The following SH3BP4 variants were observed in gnomAD, a reference collection of about 807,000 sequenced individuals.
The protein encoded by SH3BP4 is SH3 domain-binding protein 4.
A neutral mutation model predicts 65.5 loss-of-function variants in SH3BP4; 33 were observed. The ratio of observed to expected loss-of-function variants is 0.50; its 90% confidence interval spans 0.38 to 0.67. The LOEUF (loss-of-function observed/expected upper bound fraction) is 0.67. Among genes scored for constraint, SH3BP4 ranks in the 30% least tolerant of loss-of-function variants. The pLI, the probability that SH3BP4 is intolerant of heterozygous loss-of-function variation, is 0.00. For missense variants in SH3BP4, 1,134 were observed against 1,261.4 expected, an observed-to-expected ratio of 0.90 and a Z score of 1.53; for synonymous variants, 552 against 545.5, an observed-to-expected ratio of 1.01 and a Z score of -0.17.
chr2:235,035,905 C>A lies in SH3BP4; in HGVS notation c.118+785C>A, dbSNP rs1695364227. On this transcript the variant is annotated intron_variant, in intron 3 of 5. Transcript: ENST00000392011. The surrounding 1 kb of genome is among the most constrained non-coding windows in gnomAD (Gnocchi z 5.0). ...GGGCTTGGCAGTTGCGGTGACAGCA[C>A]CATCATCATCAATATCATCATCCCT... Among the ~76,000 whole-genome samples, 1 of 152,224 alleles carries A rather than the reference C, an allele frequency of 6.6e-6. No individual in the cohort carries two copies. The highest frequency in any genetic ancestry group is 2.4e-5 in the African/African-American group (1 of 41,460).
At chr2:235,016,594 G>A (rs1001269676) in intron 2 of SH3BP4, among the ~76,000 whole-genome samples, 1 of 151,968 alleles carries the variant, frequency 6.6e-6, no homozygotes, top group African/African-American at 2.4e-5. Context: ...TGCAACCTCT[G>A]CCCTCGTGAG....
intron 1 of SH3BP4, among the ~76,000 whole-genome samples, chr2:234,969,917 TCA>T (rs961128034): frequency 7.0e-5 from 10 of 143,522 alleles, no homozygotes; most frequent in African/African-American, 1.1e-4. Flanking sequence ...ACACACTCTG[TCA>T]CACACACACA....
intron 2 of SH3BP4, among the ~76,000 whole-genome samples, chr2:234,998,775 G>A (rs757998724): frequency 6.6e-5 from 10 of 152,138 alleles, no homozygotes; most frequent in Non-Finnish European, 1.5e-4. Flanking sequence ...GTTTGCATTG[G>A]GCTATGTCCC....
chr2:234,967,231 C>T lies in SH3BP4; in HGVS notation c.-207+15061C>T, dbSNP rs1362598804. On this transcript the variant is annotated intron_variant, in intron 1 of 5. Transcript: ENST00000392011. The surrounding 1 kb of genome is among the most constrained non-coding windows in gnomAD (Gnocchi z 4.6). ...CTCCCCTACACGGGGGGCCAGGTCT[C>T]AATTCCAGGGTGAACAAGGTGCTTA... Among the ~76,000 whole-genome samples, 2 of 152,146 alleles carry T rather than the reference C, an allele frequency of 1.3e-5. No individual in the cohort carries two copies. The highest frequency in any genetic ancestry group is 2.9e-5 in the Non-Finnish European group (2 of 68,036).
At chr2:235,005,131 C>T (rs1010975685) in intron 2 of SH3BP4, among the ~76,000 whole-genome samples, 1 of 152,232 alleles carries the variant, frequency 6.6e-6, no homozygotes, top group Non-Finnish European at 1.5e-5. Flanking sequence ...TAGTCAACAA[C>T]AGACCTAGGC....
intron 2 of SH3BP4, among the ~76,000 whole-genome samples, chr2:235,001,404 G>C (rs1001041732): frequency 1.3e-5 from 2 of 152,202 alleles, no homozygotes; most frequent in African/African-American, 2.4e-5. Flanking sequence ...ATCGCACTTG[G>C]AGATAAGATA....
At chr2:234,970,200 A>G (rs12329009) in intron 1 of SH3BP4, among the ~76,000 whole-genome samples, 8,041 of 152,282 alleles carry the variant, frequency 0.053, 628 homozygotes, top group African/African-American at 0.17. Context: ...TTGTAGCCGT[A>G]TTGGTCAGAA....
chr2:234,953,958 T>C (rs1279001075), intron 1 of SH3BP4, among the ~76,000 whole-genome samples: 6 of 151,734 alleles, frequency 4.0e-5, no homozygotes, highest in Non-Finnish European at 8.8e-5. Flanking sequence ...GGCAGTGATA[T>C]TTAGGCGGGA....
chr2:234,996,678 C>G (rs545082433), intron 2 of SH3BP4, among the ~76,000 whole-genome samples: 63 of 152,332 alleles, frequency 4.1e-4, no homozygotes, highest in Non-Finnish European at 8.1e-4. Context: ...ATTCTTTCTG[C>G]CTGGCATTGG....
intron 1 of SH3BP4, among the ~76,000 whole-genome samples, chr2:234,962,275 T>A (rs1193106169): frequency 2.0e-5 from 3 of 151,952 alleles, no homozygotes; most frequent in Non-Finnish European, 2.9e-5. Context: ...TAGCTGGGAT[T>A]AGAGGTGCAT....
rs1388839795 is a variant in SH3BP4 at position 235,052,840 on chromosome 2, C to T, written c.2667+90C>T. 1.0e-5 allele frequency: 13 copies of T among 1,280,172 alleles called. No individual in the cohort carries two copies. The highest frequency in any genetic ancestry group is 3.0e-5 in the African/African-American group (2 of 67,222). 79.3% of individuals were successfully genotyped at this position (1,280,172 alleles called of 1,614,324 possible). A position where few individuals can be genotyped will look rare whatever the true frequency, so the allele number is the denominator to read the frequency against. Reference sequence around the variant, plus strand: ...AGTGCAGCCATAAAAAGTCTTGCCTCGCGGCATTTCTGTGAGGGTGCAACA... The same window carrying T: ...AGTGCAGCCATAAAAAGTCTTGCCTTGCGGCATTTCTGTGAGGGTGCAACA... On this transcript the variant is annotated intron_variant, in intron 5 of 5. Transcript: ENST00000392011. The surrounding 1 kb of genome is among the most constrained non-coding windows in gnomAD (Gnocchi z 5.0).
Position 234,997,559 on chromosome 2 carries a change from C to T in SH3BP4, c.-133+2183C>T, listed in dbSNP as rs146384425. ...GAAACAGGAGGCCTGCAGCAGAGCA[C>T]GGCCGATTGCTCCTCCGGGGAGTGT... On this transcript the variant is annotated intron_variant, in intron 2 of 5. Coordinates refer to ENST00000392011, the MANE Select transcript of SH3BP4 (RefSeq NM_014521.3). The surrounding 1 kb of genome is among the most constrained non-coding windows in gnomAD (Gnocchi z 4.2). Among the ~76,000 whole-genome samples, 6 of 152,318 alleles carry T rather than the reference C, an allele frequency of 3.9e-5. No homozygotes were observed. The highest frequency in any genetic ancestry group is 5.9e-5 in the Non-Finnish European group (4 of 68,026).
chr2:235,043,154 C>G lies in SH3BP4; in HGVS notation c.2385C>G (p.Pro795=). 1.2e-6 allele frequency: 2 copies of G among 1,612,754 alleles called. No individual in the cohort carries two copies. The highest frequency in any genetic ancestry group is 2.2e-5 in the South Asian group (2 of 91,002). ...GCCGGGCAGAGCTGGATAGTGAGCC[C>G]GAGCGGGTGGCGTCCGTCCTAGAAA... The part of the protein sequence containing the change: ...FFCRAELDSE[P]ERVASVLEKL... The change falls in exon 4 of 6, where the codon CCC becomes CCG. Residue 795 remains proline, a synonymous_variant. Coordinates refer to ENST00000392011, the MANE Select transcript of SH3BP4 (RefSeq NM_014521.3).
At chr2:234,968,041 C>A (rs1017049550) in intron 1 of SH3BP4, among the ~76,000 whole-genome samples, 1 of 152,158 alleles carries the variant, frequency 6.6e-6, no homozygotes, top group African/African-American at 2.4e-5. Flanking sequence ...CGACCACACC[C>A]AGGTCCACCT....
chr2:234,996,975 AC>A (rs1693942106), intron 2 of SH3BP4, among the ~76,000 whole-genome samples: 1 of 151,238 alleles, frequency 6.6e-6, no homozygotes, highest in Non-Finnish European at 1.5e-5. Context: ...GGGCAGCAAG[AC>A]ATCTGGGAAG....
Position 234,977,552 on chromosome 2 carries a change from C to G in SH3BP4, c.-206-17751C>G, listed in dbSNP as rs1693204293. Among the ~76,000 whole-genome samples, 1 of 152,112 alleles carries G rather than the reference C, an allele frequency of 6.6e-6. No individual in the cohort carries two copies. The highest frequency in any genetic ancestry group is 2.1e-4 in the South Asian group (1 of 4,826). ...AACTCAGAGCCCAGAGCACCCAGCT[C>G]TGGGGCGACTGGCAGGTGTTGGACC... On this transcript the variant is annotated intron_variant, in intron 1 of 5. Coordinates refer to ENST00000392011, the MANE Select transcript of SH3BP4 (RefSeq NM_014521.3). The surrounding 1 kb of genome is among the most constrained non-coding windows in gnomAD (Gnocchi z 5.1).
chr2:235,032,448 C>T (rs554485611), intron 2 of SH3BP4, among the ~76,000 whole-genome samples: 1 of 152,184 alleles, frequency 6.6e-6, no homozygotes, highest in Non-Finnish European at 1.5e-5. Flanking sequence ...TAAATGATCC[C>T]GCATTTTTGT....
At chr2:235,037,905 T>G (rs1695438077) in intron 3 of SH3BP4, among the ~76,000 whole-genome samples, 2 of 152,206 alleles carry the variant, frequency 1.3e-5, no homozygotes, top group South Asian at 4.2e-4. Flanking sequence ...GTTTTATGAT[T>G]TTTTTAGAGC....
chr2:234,975,692 A>G (rs1432711474), intron 1 of SH3BP4, among the ~76,000 whole-genome samples: 1 of 152,146 alleles, frequency 6.6e-6, no homozygotes, highest in Non-Finnish European at 1.5e-5. Flanking sequence ...CCTGAGCAAC[A>G]TGGTGAAACC....
Sources: gnomAD v4.1 joint callset for allele counts (sites outside exome capture counted in the v4.1 genomes callset) on GRCh38, gnomAD v4.1.1 for gene constraint, Gnocchi (gnomAD v3.1) non-coding constraint, MANE v1.5 for transcripts, NCBI Gene and HGNC (gene_info 2026-07-23, HGNC 2026-07-21) for gene names.